Variants in TAPT1 observed in about 807,000 individuals in gnomAD.
TAPT1 encodes the protein transmembrane anterior posterior transformation protein 1 homolog.
In TAPT1, 28 loss-of-function variants were observed where a neutral mutation model predicts 65.6. That is an observed-to-expected ratio of 0.43 (90% CI 0.32 to 0.59). TAPT1 has a LOEUF of 0.59. Ranked by LOEUF, TAPT1 falls within the 20% of genes least tolerant of loss-of-function variation. TAPT1 has a pLI of 0.09. For synonymous variants in TAPT1, 278 were observed against 245.2 expected (o/e 1.13, Z -1.25); for missense variants, 563 against 679.9 (o/e 0.83, Z 1.91).
chr4:16,168,727 G>T (rs1474818509), intron 12 of TAPT1, among the ~76,000 whole-genome samples: 1 of 152,230 alleles, frequency 6.6e-6, no homozygotes, highest in Non-Finnish European at 1.5e-5. Context: ...TCTAGTTGTT[G>T]TCTATTTGTT....
intron 2 of TAPT1, among the ~76,000 whole-genome samples, chr4:16,204,718 A>G (rs889956433): frequency 2.0e-5 from 3 of 152,058 alleles, no homozygotes; most frequent in Non-Finnish European, 4.4e-5. Context: ...TACCACCCAC[A>G]CTCTGCAGTG....
At chr4:16,196,786 A>C in intron 3 of TAPT1, 2 of 863,656 alleles carry the variant, frequency 2.3e-6, no homozygotes, top group Non-Finnish European at 3.3e-6. Flanking sequence ...TTAGAGCTCC[A>C]TGGTGAGGAA....
At chr4:16,176,486 A>G in intron 8 of TAPT1, 1 of 227,886 alleles carries the variant, frequency 4.4e-6, no homozygotes, top group Non-Finnish European at 8.5e-6. Context: ...ACCTGAGATC[A>G]GGAGTTTGAG....
chr4:16,198,115 G>A (rs1233482191), intron 3 of TAPT1, among the ~76,000 whole-genome samples: 2 of 152,190 alleles, frequency 1.3e-5, no homozygotes, highest in East Asian at 3.8e-4. Context: ...CATGATGAAG[G>A]CTGGGTTTAC....
intron 7 of TAPT1, among the ~76,000 whole-genome samples, chr4:16,182,530 G>T (rs1578430390): frequency 6.6e-6 from 1 of 152,234 alleles, no homozygotes; most frequent in South Asian, 2.1e-4. Context: ...TAACATACTT[G>T]CAGTCACATT....
At chr4:16,182,324 C>T (rs1250850777) in intron 7 of TAPT1, among the ~76,000 whole-genome samples, 3 of 152,176 alleles carry the variant, frequency 2.0e-5, no homozygotes, top group African/African-American at 7.2e-5. Context: ...TTTATACCAT[C>T]TCATCTTCAG....
chr4:16,165,229 C>T (rs1405593002), intron 13 of TAPT1, among the ~76,000 whole-genome samples: 1 of 152,158 alleles, frequency 6.6e-6, no homozygotes, highest in Non-Finnish European at 1.5e-5. Flanking sequence ...TTTCTCTCTT[C>T]AGCATCTCCT....
chr4:16,186,479 A>C, intron 7 of TAPT1, 56 bp downstream of exon 7: 1 of 1,197,412 alleles, frequency 8.4e-7, no homozygotes, highest in Non-Finnish European at 1.2e-6. Flanking sequence ...AGGATTTCAG[A>C]ATGAACTGCA....
At chr4:16,182,378 A>C (rs1748760216) in intron 7 of TAPT1, among the ~76,000 whole-genome samples, 1 of 152,218 alleles carries the variant, frequency 6.6e-6, no homozygotes, top group African/African-American at 2.4e-5. Flanking sequence ...ACATTGATTA[A>C]AAATTAAAAT....
chr4:16,191,264 G>T, intron 4 of TAPT1, 97 bp downstream of exon 4: 1 of 1,266,742 alleles, frequency 7.9e-7, no homozygotes, highest in Non-Finnish European at 1.1e-6. Flanking sequence ...CATAACTAGA[G>T]TCGGTAGAGC....
At chr4:16,214,027 G>C in intron 1 of TAPT1, 129 bp from the exon 2 acceptor site, 1 of 649,480 alleles carries the variant, frequency 1.5e-6, no homozygotes, top group Admixed American at 4.0e-5. Context: ...ATAATTCTAT[G>C]CCTAGAACTG....
At chr4:16,201,823 C>G (rs1224513966) in intron 3 of TAPT1, among the ~76,000 whole-genome samples, 6 of 152,010 alleles carry the variant, frequency 3.9e-5, no homozygotes, top group Admixed American at 1.3e-4. Flanking sequence ...CCCCTTTTTG[C>G]TGATGGGGAA....
intron 9 of TAPT1, among the ~76,000 whole-genome samples, chr4:16,175,794 T>C (rs189863490): frequency 6.6e-6 from 1 of 152,096 alleles, no homozygotes; most frequent in East Asian, 1.9e-4. Context: ...GAGAGAAAAA[T>C]TTTGATGGTC....
At chr4:16,221,059 G>A (rs1413725998) in intron 1 of TAPT1, among the ~76,000 whole-genome samples, 2 of 151,082 alleles carry the variant, frequency 1.3e-5, no homozygotes, top group Non-Finnish European at 2.9e-5. Context: ...GTAATATGAG[G>A]AAAATAATAC....
intron 8 of TAPT1, among the ~76,000 whole-genome samples, chr4:16,178,678 C>T (rs1365261337): frequency 6.6e-6 from 1 of 152,182 alleles, no homozygotes; most frequent in Non-Finnish European, 1.5e-5. Context: ...TAGAAACTAG[C>T]ATATGCTCAG....
chr4:16,190,759 CTTAT>C (rs1222994637), intron 4 of TAPT1: 1 of 154,768 alleles, frequency 6.5e-6, no homozygotes, highest in African/African-American at 2.4e-5. Flanking sequence ...ATCAGCTCAA[CTTAT>C]TTTTTATATA....
intron 3 of TAPT1, among the ~76,000 whole-genome samples, chr4:16,198,869 CTTTG>C (rs1301741979): frequency 1.3e-5 from 2 of 152,094 alleles, no homozygotes; most frequent in Non-Finnish European, 2.9e-5. Context: ...TTAACAATAG[CTTTG>C]TTTATGTAAC....
intron 1 of TAPT1, among the ~76,000 whole-genome samples, chr4:16,224,456 G>A (rs79605706): frequency 6.9e-4 from 105 of 152,318 alleles, no homozygotes; most frequent in African/African-American, 2.5e-3. Context: ...GGGCTTATGT[G>A]GAGGCTCAGA....
intron 11 of TAPT1, among the ~76,000 whole-genome samples, chr4:16,172,156 T>G (rs1057259463): frequency 6.6e-6 from 1 of 152,188 alleles, no homozygotes; most frequent in Non-Finnish European, 1.5e-5. Context: ...TTGTCAATTA[T>G]TAATTATTCA....
Sources: allele counts gnomAD v4.1 joint callset (sites outside exome capture counted in the v4.1 genomes callset), GRCh38; gene constraint gnomAD v4.1.1; transcripts MANE v1.5; gene names NCBI Gene and HGNC (gene_info 2026-07-23, HGNC 2026-07-21).